CSMD1: variants seen among roughly 807,000 people sequenced by gnomAD.
The protein encoded by CSMD1 is CUB and sushi domain-containing protein 1.
A neutral mutation model predicts 417.5 loss-of-function variants in CSMD1; 213 were observed. The observed-to-expected ratio is 0.51, with a 90% CI of 0.46 to 0.57. The LOEUF (loss-of-function observed/expected upper bound fraction) is 0.57, where lower values mean the gene tolerates loss of function less well. Among genes scored for constraint, CSMD1 ranks in the 20% least tolerant of loss-of-function variants. CSMD1 has a pLI of 0.00. For missense variants in CSMD1, 6,923 were observed against 4,529.7 expected (o/e 1.53, Z -15.17); for synonymous variants, 2,862 against 1,736.8 (o/e 1.65, Z -16.11).
At chr8:3,544,672 C>T (rs1226158761) in intron 10 of CSMD1, among the ~76,000 whole-genome samples, 1 of 152,218 alleles carries the variant, frequency 6.6e-6, no homozygotes, top group South Asian at 2.1e-4. Context: ...GCAGACTTGC[C>T]TGGAGCTATT....
At chr8:4,355,923 TTTTG>T (rs1216607264) in intron 3 of CSMD1, among the ~76,000 whole-genome samples, 2 of 151,852 alleles carry the variant, frequency 1.3e-5, no homozygotes, top group East Asian at 1.9e-4. Context: ...TCAGCTGTTT[TTTTG>T]TTTTGTTTTG....
In CSMD1 at chr8:3,673,219, C is replaced by G. The variant is rs148775902; in HGVS notation, c.1009+35195G>C. 2.3e-4 allele frequency among the ~76,000 whole-genome samples: 35 copies of G among 152,308 alleles called. 1 individual carries two copies. The East Asian group carries it at 2.9e-3, about 13-fold the overall frequency. On this transcript the variant is annotated intron_variant, in intron 7 of 69. Coordinates refer to ENST00000635120, the MANE Select transcript of CSMD1 (RefSeq NM_033225.6). ...AACCACATATGCCCCTGTGCATGAA[C>G]CACAATAAACATTTCCAAATTCGTT...
chr8:4,855,608 G>A (rs1002597270), intron 1 of CSMD1, among the ~76,000 whole-genome samples: 5 of 152,292 alleles, frequency 3.3e-5, no homozygotes, highest in South Asian at 2.1e-4. Flanking sequence ...CGAGAACTAC[G>A]TGAAGAATGC....
At chr8:3,638,714 G>A (rs1166917569) in intron 7 of CSMD1, among the ~76,000 whole-genome samples, 2 of 152,112 alleles carry the variant, frequency 1.3e-5, no homozygotes, top group Non-Finnish European at 1.5e-5. Flanking sequence ...AAGGCTTGTG[G>A]TCAGAATACA....
intron 2 of CSMD1, among the ~76,000 whole-genome samples, chr8:4,500,832 T>C (rs1028409650): frequency 3.9e-5 from 6 of 152,154 alleles, no homozygotes; most frequent in African/African-American, 1.4e-4. Flanking sequence ...TAGAGGTCCA[T>C]TGCCTGGAGG....
intron 26 of CSMD1, among the ~76,000 whole-genome samples, chr8:3,255,134 A>C (rs1169612166): frequency 2.0e-5 from 3 of 152,098 alleles, no homozygotes; most frequent in African/African-American, 4.8e-5. Context: ...GCGGAGGTCC[A>C]CTCCAGAACC....
intron 25 of CSMD1, among the ~76,000 whole-genome samples, chr8:3,304,109 G>A (rs1043404162): frequency 4.6e-5 from 7 of 152,112 alleles, no homozygotes; most frequent in Middle Eastern, 3.4e-3. Context: ...TCCAAGATCC[G>A]GCTGTTTATT....
intron 3 of CSMD1, among the ~76,000 whole-genome samples, chr8:4,260,671 T>C (rs948697629): frequency 2.0e-5 from 3 of 152,206 alleles, no homozygotes; most frequent in Admixed American, 6.6e-5. Context: ...ATTTCAGTTT[T>C]TGCGAGAGGT....
intron 12 of CSMD1, among the ~76,000 whole-genome samples, chr8:3,427,592 AATCT>A (rs1257799726): frequency 2.0e-5 from 3 of 152,222 alleles, no homozygotes; most frequent in Non-Finnish European, 4.4e-5. Flanking sequence ...GATATGAAAC[AATCT>A]ATTTGACCAT....
chr8:3,311,042 T>G (rs960532394), intron 23 of CSMD1, among the ~76,000 whole-genome samples: 24 of 152,100 alleles, frequency 1.6e-4, no homozygotes, highest in African/African-American at 4.6e-4. Flanking sequence ...TACGTCCCAA[T>G]AAACCCATTA....
intron 3 of CSMD1, among the ~76,000 whole-genome samples, chr8:4,286,526 A>T (rs1797064083): frequency 6.6e-6 from 1 of 152,232 alleles, no homozygotes; most frequent in South Asian, 2.1e-4. Context: ...CTTCTGAGAT[A>T]ATATGGTCTC....
chr8:4,712,232 G>C (rs1010071595), intron 1 of CSMD1, among the ~76,000 whole-genome samples: 2 of 152,166 alleles, frequency 1.3e-5, no homozygotes, highest in African/African-American at 4.8e-5. Context: ...ATGATCCTCA[G>C]TGCAAATAGC....
At chr8:4,969,664 C>T (rs186669930) in intron 1 of CSMD1, among the ~76,000 whole-genome samples, 156 of 152,070 alleles carry the variant, frequency 1.0e-3, no homozygotes, top group Non-Finnish European at 1.8e-3. Context: ...CCATTGATTT[C>T]GAGGTGTGTC....
At chr8:3,005,959 T>C (rs1429746181) in intron 52 of CSMD1, among the ~76,000 whole-genome samples, 3 of 152,012 alleles carry the variant, frequency 2.0e-5, no homozygotes, top group Admixed American at 2.0e-4. Context: ...GGGTATTCAA[T>C]TAGGAAAAGA....
chr8:3,309,477 A>G (rs889693486), intron 23 of CSMD1, among the ~76,000 whole-genome samples: 1 of 152,240 alleles, frequency 6.6e-6, no homozygotes, highest in African/African-American at 2.4e-5. Flanking sequence ...TCAAAGAAAT[A>G]GATGACAGAA....
At chr8:4,457,754 T>C (rs529378441) in intron 2 of CSMD1, among the ~76,000 whole-genome samples, 232 of 152,272 alleles carry the variant, frequency 1.5e-3, no homozygotes, top group Non-Finnish European at 2.7e-3. Flanking sequence ...TCCAGCAGCA[T>C]AGGACACCTC....
intron 3 of CSMD1, among the ~76,000 whole-genome samples, chr8:4,101,699 A>G (rs1416931787): frequency 6.6e-6 from 1 of 152,242 alleles, no homozygotes; most frequent in East Asian, 1.9e-4. Flanking sequence ...CAAATGATTG[A>G]GTAATCAAAC....
intron 1 of CSMD1, among the ~76,000 whole-genome samples, chr8:4,704,711 G>T (rs775613414): frequency 8.5e-5 from 13 of 152,144 alleles, no homozygotes; most frequent in Non-Finnish European, 1.6e-4. Flanking sequence ...TTGTGTGCTT[G>T]CTTAATGGAA....
rs940985358 is a variant in CSMD1 at position 3,284,245 on chromosome 8, G to C, written c.4052C>G (p.Ser1351Cys). ...SDILLKEWSGSALPEDIHSTF... is the reference protein window; with the variant it reads ...SDILLKEWSGCALPEDIHSTF... ...GCTGTGGATGTCCTCCGGAAGGGCG[G>C]AGCCACTCCACTCCTTCAGCAGGAT... The change falls in exon 26 of 70, where the codon TCC becomes TGC. Residue 1351 changes from serine to cysteine, a missense_variant. Physicochemically the swap from Ser to Cys is moderately radical, Grantham distance 112. Transcript: ENST00000635120. The C allele has an allele frequency of 2.5e-6, 4 of 1,613,652 alleles. No individual in the cohort carries two copies. Among genetic ancestry groups the C allele is most frequent in the Non-Finnish European group, 3.4e-6 (4 of 1,179,748 alleles).
Sources: gnomAD v4.1 joint callset for allele counts (sites outside exome capture counted in the v4.1 genomes callset) on GRCh38, gnomAD v4.1.1 for gene constraint, MANE v1.5 for transcripts, NCBI Gene and HGNC (gene_info 2026-07-23, HGNC 2026-07-21) for gene names.